Variants in CAMK4 observed in about 807,000 individuals in gnomAD.
The protein encoded by CAMK4 is calcium/calmodulin-dependent protein kinase type IV.
Under a neutral mutation model 44.9 loss-of-function variants are expected in CAMK4, and 22 were observed. The observed-to-expected ratio is 0.49, with a 90% CI of 0.35 to 0.70. The LOEUF (loss-of-function observed/expected upper bound fraction) is 0.70. Among genes scored for constraint, CAMK4 ranks in the 30% least tolerant of loss-of-function variants. The probability of loss-of-function intolerance (pLI) is 0.01; values close to 1 mark genes in which losing one functional copy is unlikely to be tolerated. For missense variants in CAMK4, 498 were observed against 586.8 expected (o/e 0.85, Z 1.56); for synonymous variants, 218 against 215.4 (o/e 1.01, Z -0.11).
At chr5:111,392,915 A>C (rs2112857869) in intron 4 of CAMK4, among the ~76,000 whole-genome samples, 1 of 152,272 alleles carries the variant, frequency 6.6e-6, no homozygotes, top group South Asian at 2.1e-4. Flanking sequence ...ATAGCCTATT[A>C]CTGACCCAGG....
At chr5:111,337,723 T>A (rs577304980) in intron 1 of CAMK4, among the ~76,000 whole-genome samples, 5 of 151,110 alleles carry the variant, frequency 3.3e-5, no homozygotes, top group South Asian at 2.1e-4. Context: ...GAAAGGTCAT[T>A]GGCACTAGTA....
chr5:111,484,209 G>C lies in CAMK4; in HGVS notation c.1165G>C (p.Gly389Arg). ...CGATGGGGCCCAAGCCGCAGTTAAG[G>C]GGGCACAGGCTGAGCTGATGAAGGT... is the stretch of plus-strand genomic sequence containing the variant. The part of the protein sequence containing the change: ...QGDGAQAAVK[G>R]AQAELMKVQA... Residue 389 changes from glycine (G) to arginine (R), a missense_variant, in exon 11 of 11, where the codon GGG becomes CGG. Physicochemically the swap from Gly to Arg is moderately radical, Grantham distance 125. Around this residue, in one of 3 missense-constraint regions of CAMK4, gnomAD observed 143 missense variants for 144.9 expected, o/e 0.99. Coordinates refer to ENST00000282356, the MANE Select transcript of CAMK4 (RefSeq NM_001744.6). The surrounding 1 kb of genome is among the most constrained non-coding windows in gnomAD (Gnocchi z 5.3). The C allele has an allele frequency of 6.2e-7, 1 of 1,614,150 alleles. No individual in the cohort carries two copies. The highest frequency in any genetic ancestry group is 8.5e-7 in the Non-Finnish European group (1 of 1,180,022).
At chr5:111,401,133 C>T in intron 5 of CAMK4, among the ~76,000 whole-genome samples, 1 of 152,092 alleles carries the variant, frequency 6.6e-6, no homozygotes, top group East Asian at 1.9e-4. Flanking sequence ...CTGCTCTTCT[C>T]TCTTCTCTTC....
chr5:111,343,862 A>T (rs541004712), intron 1 of CAMK4, among the ~76,000 whole-genome samples, 162 bp from the exon 2 acceptor site: 245 of 3,970 alleles, frequency 0.062, 1 homozygote, highest in Middle Eastern at 0.12. Context: ...ATTGTGATAA[A>T]AAAAAAAATA....
At chr5:111,245,396 G>A (rs1324586176) in intron 1 of CAMK4, among the ~76,000 whole-genome samples, 1 of 151,996 alleles carries the variant, frequency 6.6e-6, no homozygotes, top group Non-Finnish European at 1.5e-5. Flanking sequence ...TTTATTATTG[G>A]TAAAAGGGAA....
At chr5:111,366,688 G>A (rs1750805249) in intron 2 of CAMK4, among the ~76,000 whole-genome samples, 1 of 152,042 alleles carries the variant, frequency 6.6e-6, no homozygotes, top group Admixed American at 6.6e-5. Context: ...TCCAGTGATG[G>A]AGCCTTTTTC....
intron 4 of CAMK4, among the ~76,000 whole-genome samples, chr5:111,385,014 T>C (rs1211183320): frequency 6.6e-6 from 1 of 152,186 alleles, no homozygotes; most frequent in Non-Finnish European, 1.5e-5. Flanking sequence ...GCTCATAGTC[T>C]AAAGAGGGAA....
Position 111,482,768 on chromosome 5 carries a change from G to A in CAMK4, c.829-17G>A. ...TCCTAAAAACCTCGCTAAGTTTATG[G>A]TTCTTTATTATTTCAGGTCAGAAAA... On this transcript the variant is annotated splice_polypyrimidine_tract_variant and intron_variant, in intron 9 of 10. Transcript: ENST00000282356. This position sits in a 1 kb window ranked among gnomAD's most constrained non-coding sequence, Gnocchi z 4.9. 1 of 1,600,032 alleles carries A rather than the reference G, an allele frequency of 6.2e-7. No homozygotes were observed.
intron 1 of CAMK4, among the ~76,000 whole-genome samples, chr5:111,297,263 T>C (rs958659347): frequency 1.3e-5 from 2 of 152,304 alleles, no homozygotes; most frequent in Middle Eastern, 3.4e-3. Context: ...CATTCTCTTC[T>C]TTTTTTCCAA....
chr5:111,308,119 A>G (rs1250485971), intron 1 of CAMK4, among the ~76,000 whole-genome samples: 1 of 116,154 alleles, frequency 8.6e-6, no homozygotes, highest in African/African-American at 3.5e-5. Context: ...GGGAGGGGGG[A>G]GGGATAGCAT....
rs188876855 is a variant in CAMK4, at chr5:111,405,244, C to T, written c.459+10462C>T. On this transcript the variant is annotated intron_variant, in intron 5 of 10. Coordinates refer to ENST00000282356, the MANE Select transcript of CAMK4 (RefSeq NM_001744.6). ...CAGCACTTTGGGAGGCCAAGGCGGG[C>T]GGATCACAAGGTCAAGAAATTGAGA... Among the ~76,000 whole-genome samples, 498 of 152,190 alleles carry T rather than the reference C, an allele frequency of 3.3e-3. 2 individuals are homozygous for T. Among genetic ancestry groups the T allele is most frequent in the Non-Finnish European group, 5.6e-3 (383 of 67,996 alleles).
chr5:111,238,745 C>A (rs1289965833), intron 1 of CAMK4, among the ~76,000 whole-genome samples: 1 of 139,446 alleles, frequency 7.2e-6, no homozygotes, highest in African/African-American at 2.7e-5. Context: ...CCCCACTTCA[C>A]AAGGAGTAAA....
intron 1 of CAMK4, among the ~76,000 whole-genome samples, chr5:111,256,390 C>A (rs1157076947): frequency 1.3e-5 from 2 of 151,964 alleles, no homozygotes; most frequent in Non-Finnish European, 2.9e-5. Flanking sequence ...GATTAATCAA[C>A]ATGTGAGAAA....
At chr5:111,340,652 G>A (rs1416455815) in intron 1 of CAMK4, among the ~76,000 whole-genome samples, 1 of 150,986 alleles carries the variant, frequency 6.6e-6, no homozygotes, top group Non-Finnish European at 1.5e-5. Flanking sequence ...GTGTTCATCA[G>A]GGATATTTTC....
At chr5:111,443,592 G>A (rs575783574) in intron 5 of CAMK4, among the ~76,000 whole-genome samples, 3 of 151,722 alleles carry the variant, frequency 2.0e-5, no homozygotes, top group Admixed American at 6.6e-5. Context: ...AGTGCCAAAT[G>A]ATGTTTTCTT....
At chr5:111,285,139 A>C (rs1751187106) in intron 1 of CAMK4, among the ~76,000 whole-genome samples, 1 of 152,236 alleles carries the variant, frequency 6.6e-6, no homozygotes, top group Non-Finnish European at 1.5e-5. Flanking sequence ...AGTCGAAACA[A>C]ATGAAAATTG....
chr5:111,456,191 TAAA>T (rs1338846353), intron 7 of CAMK4, among the ~76,000 whole-genome samples: 1 of 151,822 alleles, frequency 6.6e-6, no homozygotes, highest in African/African-American at 2.4e-5. Context: ...AGTTTAGAAA[TAAA>T]AACACTCATT....
chr5:111,413,862 C>G (rs1752717063), intron 5 of CAMK4, among the ~76,000 whole-genome samples: 1 of 151,058 alleles, frequency 6.6e-6, no homozygotes, highest in Non-Finnish European at 1.5e-5. Context: ...AAATATAACC[C>G]AAAAAGTTCA....
At chr5:111,336,977 T>A (rs1749433406) in intron 1 of CAMK4, among the ~76,000 whole-genome samples, 1 of 151,194 alleles carries the variant, frequency 6.6e-6, no homozygotes, top group African/African-American at 2.4e-5. Flanking sequence ...TGAACTATAA[T>A]TTCTGGACAG....
Sources: gnomAD v4.1 joint callset for allele counts (sites outside exome capture counted in the v4.1 genomes callset) on GRCh38, gnomAD v4.1.1 for gene constraint, gnomAD v4.1.1 regional missense constraint, Gnocchi (gnomAD v3.1) non-coding constraint, MANE v1.5 for transcripts, NCBI Gene and HGNC (gene_info 2026-07-23, HGNC 2026-07-21) for gene names.